UNC13A: variants seen among roughly 807,000 people sequenced by gnomAD.
UNC13A encodes the protein unc-13 homolog A.
Under a neutral mutation model 219.7 loss-of-function variants are expected in UNC13A, and 61 were observed. The ratio of observed to expected loss-of-function variants is 0.28; its 90% confidence interval spans 0.23 to 0.34. The LOEUF is 0.34. Ranked by LOEUF, UNC13A falls within the 10% of genes least tolerant of loss-of-function variation. The probability of loss-of-function intolerance (pLI) is 1.00; values close to 1 mark genes in which losing one functional copy is unlikely to be tolerated. For synonymous variants in UNC13A, 920 were observed against 884.6 expected (o/e 1.04, Z -0.71); for missense variants, 1,476 against 2,270.3 (o/e 0.65, Z 7.11).
intron 25 of UNC13A, among the ~76,000 whole-genome samples, chr19:17,636,706 C>G (rs2076915913): frequency 6.6e-6 from 1 of 152,186 alleles, no homozygotes; most frequent in Non-Finnish European, 1.5e-5. Flanking sequence ...CCGATTCTAC[C>G]TATCTAAACC....
intron 12 of UNC13A, 115 bp downstream of exon 12, chr19:17,652,516 T>C: frequency 7.6e-7 from 1 of 1,319,256 alleles, no homozygotes; most frequent in South Asian, 1.2e-5. Flanking sequence ...GCTCAATCTG[T>C]CCCCTGTCTA....
chr19:17,642,778 G>C (rs2076984217), intron 20 of UNC13A, 67 bp downstream of exon 20: 1 of 1,370,630 alleles, frequency 7.3e-7, no homozygotes, highest in Non-Finnish European at 1.0e-6. Context: ...GCCAGAAAGA[G>C]GAAGAGCTGG....
At chr19:17,675,172 T>C (rs1484980911) in intron 2 of UNC13A, among the ~76,000 whole-genome samples, 7 of 147,164 alleles carry the variant, frequency 4.8e-5, no homozygotes, top group Admixed American at 3.4e-4. Context: ...TACTAAAAAA[T>C]ACAAAAAAAT....
At position 17,630,302 on chromosome 19, in the gene UNC13A, G is replaced by A. The variant is rs749143986; in HGVS notation, c.3526-14C>T. On this transcript the variant is annotated splice_polypyrimidine_tract_variant and intron_variant, in intron 29 of 43. Transcript: ENST00000519716. ...GGTCTGCTGGAACTGCAGGGGGAAG[G>A]AGGCCAAGAGGAAGGAGGAGATCAG... 1.3e-6 allele frequency: 2 copies of A among 1,559,400 alleles called. No homozygotes were observed. The highest frequency in any genetic ancestry group is 1.7e-6 in the Non-Finnish European group (2 of 1,151,540).
intron 4 of UNC13A, 118 bp from the exon 5 acceptor site, chr19:17,669,794 C>A: frequency 8.7e-7 from 1 of 1,151,354 alleles, no homozygotes; most frequent in South Asian, 1.8e-5. Context: ...AGTCATGTCC[C>A]CTCTCTATCT....
intron 8 of UNC13A, among the ~76,000 whole-genome samples, chr19:17,660,005 C>T (rs549072071): frequency 4.6e-5 from 7 of 152,282 alleles, no homozygotes; most frequent in African/African-American, 7.2e-5. Context: ...AAGAGATCCT[C>T]GCATCTCAGC....
intron 4 of UNC13A, 122 bp from the exon 5 acceptor site, chr19:17,669,798 T>C: frequency 2.7e-6 from 3 of 1,129,150 alleles, no homozygotes; most frequent in Non-Finnish European, 3.6e-6. Flanking sequence ...ATGTCCCCTC[T>C]CTATCTTTCC....
In UNC13A at chr19:17,641,460, T is replaced by C; in HGVS notation, c.2569A>G (p.Thr857Ala). The change falls in exon 21 of 44, where the codon ACA becomes GCA. Residue 857 changes from threonine (T) to alanine (A), a missense_variant. Thr to Ala is a moderately conservative substitution (Grantham distance 58, BLOSUM62 0). This residue lies in a region of UNC13A where 140 missense variants were observed against 270.9 expected (regional missense o/e 0.52). Coordinates refer to ENST00000519716, the MANE Select transcript of UNC13A (RefSeq NM_001080421.3). ...AACTCGTCCACAATCTCCTGGGCTG[T>C]CTCATCGTAGTAAACCTTCCAGGCA... ...DDAWKVYYDE[T>A]AQEIVDEFAM... 1 of 1,614,134 alleles carries C rather than the reference T, an allele frequency of 6.2e-7. No homozygotes were observed. Among genetic ancestry groups the C allele is most frequent in the Non-Finnish European group, 8.5e-7 (1 of 1,180,016 alleles).
intron 29 of UNC13A, 95 bp downstream of exon 29, chr19:17,630,559 C>T: frequency 7.5e-7 from 1 of 1,335,358 alleles, no homozygotes; most frequent in South Asian, 1.2e-5. Flanking sequence ...ATGGCGGACA[C>T]CTACCAGAGA....
At chr19:17,663,996 T>C (rs1273773807) in intron 7 of UNC13A, among the ~76,000 whole-genome samples, 1 of 150,710 alleles carries the variant, frequency 6.6e-6, no homozygotes, top group African/African-American at 2.5e-5. Context: ...TTTTTGTTTT[T>C]TTGTGTGGAG....
At chr19:17,646,183 A>G in intron 17 of UNC13A, 72 bp from the exon 18 acceptor site, 1 of 1,587,192 alleles carries the variant, frequency 6.3e-7, no homozygotes, top group Non-Finnish European at 8.6e-7. Context: ...TCACTGCCAC[A>G]CGCTGCAGGC....
At chr19:17,606,461 A>C in intron 43 of UNC13A, 107 bp from the exon 44 acceptor site, 1 of 1,393,354 alleles carries the variant, frequency 7.2e-7, no homozygotes, top group South Asian at 1.4e-5. Context: ...CGGGGTGCCC[A>C]CACCTGTCAC....
chr19:17,618,814 C>T, intron 39 of UNC13A, 92 bp downstream of exon 39: 1 of 1,266,648 alleles, frequency 7.9e-7, no homozygotes, highest in Non-Finnish European at 1.2e-6. Flanking sequence ...ATGTCATCAT[C>T]CTGGGACCCC....
intron 8 of UNC13A, among the ~76,000 whole-genome samples, chr19:17,660,956 A>G (rs2079540690): frequency 6.6e-6 from 1 of 151,816 alleles, no homozygotes; most frequent in Admixed American, 6.6e-5. Context: ...TTTATTTTTT[A>G]GAGACAGGGT....
intron 43 of UNC13A, among the ~76,000 whole-genome samples, chr19:17,607,228 TTTACCC>T (rs1449506736): frequency 1.3e-5 from 2 of 152,134 alleles, no homozygotes; most frequent in East Asian, 3.9e-4. Context: ...CCAGCTCTGA[TTTACCC>T]TTACCCCTGT....
intron 41 of UNC13A, chr19:17,612,118 T>G: frequency 2.9e-6 from 1 of 342,988 alleles, no homozygotes; most frequent in Non-Finnish European, 5.3e-6. Context: ...TTTTTTCTTA[T>G]TCCATTGATT....
rs949632575 is a variant in UNC13A at position 17,602,755 on chromosome 19, G to A, written c.*3299C>T. On this transcript the variant is annotated 3_prime_UTR_variant, in exon 44 of 44. Transcript: ENST00000519716. ...AGACACCTCCTATGTGCCCAGGTCC[G>A]TGTGGAAGGGGAAGGTTGGTACGGA... The A allele has an allele frequency of 6.6e-5, 10 of 152,310 alleles. No individual in the cohort carries two copies. Among genetic ancestry groups the A allele is most frequent in the South Asian group, 2.1e-4 (1 of 4,834 alleles). The allele number at this position is 152,310 out of a possible 1,614,324, so 9.4% of individuals were successfully genotyped here.
At position 17,652,428 on chromosome 19, in the gene UNC13A, C is replaced by T. The variant is rs559358889; in HGVS notation, c.1439+203G>A. On this transcript the variant is annotated intron_variant, in intron 12 of 43. Transcript: ENST00000519716. ...ATTACAGGCATGAGCCACCGCACCC[C>T]GCCCTGTCTTCAAAGATTACTGTCT... is the stretch of plus-strand genomic sequence containing the variant. Among the ~76,000 whole-genome samples, 10 of 152,202 alleles carry T rather than the reference C, an allele frequency of 6.6e-5. No individual in the cohort carries two copies. In the South Asian group the frequency reaches 1.0e-3, roughly 16 times the overall value.
rs748248210 is a variant in UNC13A, at chr19:17,672,420, G to C, written c.228C>G (p.Gly76=). 35 of 1,613,800 alleles carry C rather than the reference G, an allele frequency of 2.2e-5. No individual in the cohort carries two copies. The highest frequency in any genetic ancestry group is 3.0e-5 in the Non-Finnish European group (35 of 1,179,850). The change falls in exon 4 of 44, where the codon GGC becomes GGG. Residue 76 remains glycine (G), a synonymous_variant. Transcript: ENST00000519716. ...NKGLIWDTMV[G]TVWIPLRTIR... is the part of the protein sequence containing the mutation. ...TGGTCCTCAGTGGGATCCACACAGT[G>C]CCCACCATTGTGTCCCAGATGAGAC...
Sources: gnomAD v4.1 joint callset for allele counts (sites outside exome capture counted in the v4.1 genomes callset) on GRCh38, gnomAD v4.1.1 for gene constraint, gnomAD v4.1.1 regional missense constraint, MANE v1.5 for transcripts, NCBI Gene and HGNC (gene_info 2026-07-23, HGNC 2026-07-21) for gene names.